Variants in IL1RAPL1 observed in about 807,000 individuals in gnomAD.
IL1RAPL1 encodes interleukin 1 receptor accessory protein like 1.
In IL1RAPL1, 3 loss-of-function variants were observed where a neutral mutation model predicts 48.4. The ratio of observed to expected loss-of-function variants is 0.06; its 90% confidence interval spans 0.03 to 0.16. The LOEUF is 0.16. Ranked by LOEUF, IL1RAPL1 falls within the 10% of genes least tolerant of loss-of-function variation. The pLI is 1.00. For synonymous variants in IL1RAPL1, 185 were observed against 187.7 expected, an observed-to-expected ratio of 0.99 and a Z score of 0.12; for missense variants, 349 against 530.6, an observed-to-expected ratio of 0.66 and a Z score of 3.36.
chrX:28,599,112 G>A (rs935485175), intron 1 of IL1RAPL1, among the ~76,000 whole-genome samples: 1 of 109,383 alleles, frequency 9.1e-6, no homozygotes, highest in African/African-American at 3.3e-5. Context: ...ACATTGGCAG[G>A]TTCTTGTGAT....
At chrX:29,769,547 G>A (rs1297845986) in intron 6 of IL1RAPL1, among the ~76,000 whole-genome samples, 3 of 93,010 alleles carry the variant, frequency 3.2e-5, no homozygotes, top group Admixed American at 2.6e-4. Context: ...GGGTTCCAGC[G>A]ATTCTCCTGC....
intron 6 of IL1RAPL1, among the ~76,000 whole-genome samples, chrX:29,782,532 GGT>G (rs1929370833): frequency 9.0e-6 from 1 of 110,909 alleles, no homozygotes; most frequent in African/African-American, 3.3e-5. Flanking sequence ...TACAGAGTCT[GGT>G]GGATAAAAAT....
In IL1RAPL1 at chrX:29,396,279, A is replaced by G; in HGVS notation, c.384A>G (p.Lys128=). 8.3e-7 allele frequency: 1 copy of G among 1,205,787 alleles called. No homozygotes were observed. Among genetic ancestry groups the G allele is most frequent in the South Asian group, 1.8e-5 (1 of 56,853 alleles). ...CVIRNSTYCM[K]VSISLTVGEN... The stretch of plus-strand genomic sequence containing the variant: ...ACAGAAACTCCACTTACTGTATGAA[A>G]GTATCCATCTCACTGACAGTGGGTG... The change falls in exon 4 of 11, where the codon AAA becomes AAG. Residue 128 remains lysine, a synonymous_variant. Transcript: ENST00000378993.
At chrX:29,718,012 T>C (rs1927529309) in intron 6 of IL1RAPL1, among the ~76,000 whole-genome samples, 1 of 111,964 alleles carries the variant, frequency 8.9e-6, no homozygotes, top group Non-Finnish European at 1.9e-5. Context: ...AGCATACCAT[T>C]TTTTATGTTC....
At chrX:29,524,929 C>T (rs1225680139) in intron 5 of IL1RAPL1, among the ~76,000 whole-genome samples, 2 of 112,076 alleles carry the variant, frequency 1.8e-5, no homozygotes, top group African/African-American at 6.5e-5. Context: ...CCAGTATAAA[C>T]CCAGAAACAT....
At chrX:28,628,414 A>C (rs1284867007) in intron 1 of IL1RAPL1, among the ~76,000 whole-genome samples, 2 of 112,167 alleles carry the variant, frequency 1.8e-5, no homozygotes, top group Non-Finnish European at 1.9e-5. Flanking sequence ...TGCCTCTTGC[A>C]CTTAACCTTC....
At chrX:29,333,585 A>G (rs1191767443) in intron 3 of IL1RAPL1, among the ~76,000 whole-genome samples, 1 of 70,876 alleles carries the variant, frequency 1.4e-5, no homozygotes, top group Non-Finnish European at 2.7e-5. Context: ...CGGGGGGCTG[A>G]CCCCCCCACC....
intron 6 of IL1RAPL1, among the ~76,000 whole-genome samples, chrX:29,802,891 ATACATATATATGTGTATATATGTG>A (rs1569173042): frequency 1.6e-3 from 51 of 32,869 alleles, no homozygotes; most frequent in African/African-American, 6.2e-3. Context: ...GTATATATGT[ATACATATATATGTGTATATATGTG>A]TACATATATA....
At chrX:28,972,745 C>A (rs1426245588) in intron 2 of IL1RAPL1, among the ~76,000 whole-genome samples, 2 of 110,705 alleles carry the variant, frequency 1.8e-5, no homozygotes, top group Admixed American at 9.6e-5. Context: ...TCTCAAAAAA[C>A]AAAACAACAA....
intron 3 of IL1RAPL1, among the ~76,000 whole-genome samples, chrX:29,355,908 T>A (rs1037592977): frequency 4.5e-5 from 5 of 111,207 alleles, no homozygotes; most frequent in African/African-American, 1.6e-4. Flanking sequence ...TTAGGTAAAT[T>A]TTCAGGATTA....
At chrX:29,544,824 A>AC (rs1921561610) in intron 5 of IL1RAPL1, among the ~76,000 whole-genome samples, 1 of 108,501 alleles carries the variant, frequency 9.2e-6, no homozygotes, top group Non-Finnish European at 1.9e-5. Context: ...TTGAAGCCCT[A>AC]CCCCCAATAC....
At chrX:29,009,540 G>A (rs924344196) in intron 2 of IL1RAPL1, among the ~76,000 whole-genome samples, 1 of 111,320 alleles carries the variant, frequency 9.0e-6, no homozygotes, top group Non-Finnish European at 1.9e-5. Flanking sequence ...TATTTATGCC[G>A]ACTTTGTTGA....
At chrX:29,872,947 G>A (rs1461277187) in intron 6 of IL1RAPL1, among the ~76,000 whole-genome samples, 2 of 112,124 alleles carry the variant, frequency 1.8e-5, no homozygotes, top group African/African-American at 6.5e-5. Context: ...GTCTCGACTT[G>A]TTTCTGCTTC....
At chrX:29,549,107 T>A (rs1921721829) in intron 5 of IL1RAPL1, among the ~76,000 whole-genome samples, 1 of 112,104 alleles carries the variant, frequency 8.9e-6, no homozygotes, top group Non-Finnish European at 1.9e-5. Flanking sequence ...TCTCTCCTGG[T>A]CCCTGGTTTC....
At chrX:29,769,678 G>A (rs1248081931) in intron 6 of IL1RAPL1, among the ~76,000 whole-genome samples, 4 of 95,214 alleles carry the variant, frequency 4.2e-5, no homozygotes, top group Non-Finnish European at 8.2e-5. Context: ...GTGCAGTGGC[G>A]TGATCTCGGC....
At chrX:29,136,000 G>A (rs1480111023) in intron 2 of IL1RAPL1, among the ~76,000 whole-genome samples, 3 of 112,085 alleles carry the variant, frequency 2.7e-5, no homozygotes, top group African/African-American at 9.7e-5. Flanking sequence ...GCCTTCCAAA[G>A]TGCTGGCATT....
chrX:29,422,433 C>G (rs1256754621), intron 5 of IL1RAPL1, among the ~76,000 whole-genome samples: 1 of 111,065 alleles, frequency 9.0e-6, no homozygotes, highest in Admixed American at 9.6e-5. Context: ...TCATAGGCTA[C>G]AGAACCCTAC....
At position 29,093,818 on chromosome X, in the gene IL1RAPL1, A is replaced by G. The variant is rs767309077; in HGVS notation, c.83-189120A>G. On this transcript the variant is annotated intron_variant, in intron 2 of 10. Transcript: ENST00000378993. ...TTGGTGAGCAATGGTAAGGTATTAG[A>G]TGCTACAGGTCTGCTGCATACCCAA... 1.9e-3 allele frequency among the ~76,000 whole-genome samples: 213 copies of G among 111,472 alleles called. 1 individual carries two copies. The highest frequency in any genetic ancestry group is 6.1e-3 in the African/African-American group (188 of 30,714).
chrX:29,764,447 G>T (rs1444036568), intron 6 of IL1RAPL1, among the ~76,000 whole-genome samples: 5 of 111,890 alleles, frequency 4.5e-5, no homozygotes, highest in Non-Finnish European at 7.5e-5. Flanking sequence ...GGTTGCAATA[G>T]GTTGCAAGTT....
Sources: gnomAD v4.1 joint callset for allele counts (sites outside exome capture counted in the v4.1 genomes callset) on GRCh38, gnomAD v4.1.1 for gene constraint, MANE v1.5 for transcripts, NCBI Gene and HGNC (gene_info 2026-07-23, HGNC 2026-07-21) for gene names.